CMBL: variants seen among roughly 807,000 people sequenced by gnomAD.
The protein encoded by CMBL is carboxymethylenebutenolidase homolog.
CMBL carries 17 observed loss-of-function variants against 28.7 expected under a neutral mutation model. The observed-to-expected ratio is 0.59, with a 90% CI of 0.41 to 0.89. The LOEUF (loss-of-function observed/expected upper bound fraction) is 0.89. CMBL is among the 40% of genes least tolerant of loss of function. The pLI, the probability that CMBL is intolerant of heterozygous loss-of-function variation, is 0.00. For missense variants in CMBL, 310 were observed against 298.5 expected, an observed-to-expected ratio of 1.04 and a Z score of -0.28; for synonymous variants, 106 against 101.6, an observed-to-expected ratio of 1.04 and a Z score of -0.26.
chr5:10,291,180 G>A (rs567304183), intron 1 of CMBL, among the ~76,000 whole-genome samples: 2 of 152,238 alleles, frequency 1.3e-5, no homozygotes, highest in African/African-American at 2.4e-5. Context: ...TTGTGTCGAC[G>A]TGTAGAAAGA....
At chr5:10,299,082 T>G (rs1406829567) in intron 1 of CMBL, among the ~76,000 whole-genome samples, 1 of 152,122 alleles carries the variant, frequency 6.6e-6, no homozygotes, top group Admixed American at 6.6e-5. Context: ...GATGAAAGAT[T>G]AATAAGATAA....
At chr5:10,288,015 G>A (rs193115164) in intron 3 of CMBL, among the ~76,000 whole-genome samples, 1 of 148,704 alleles carries the variant, frequency 6.7e-6, no homozygotes, top group Non-Finnish European at 1.5e-5. Context: ...ACGGGTGTGA[G>A]CCACCATGCC....
intron 2 of CMBL, among the ~76,000 whole-genome samples, 195 bp from the exon 3 acceptor site, chr5:10,288,724 C>T (rs566592099): frequency 3.3e-5 from 5 of 152,352 alleles, no homozygotes; most frequent in Admixed American, 2.0e-4. Context: ...GTTTCACAAC[C>T]GCAGGTGCAC....
chr5:10,286,630 C>CTACCAT (rs1746609728), intron 3 of CMBL, 134 bp from the exon 4 acceptor site: 1 of 714,462 alleles, frequency 1.4e-6, no homozygotes, highest in African/African-American at 1.8e-5. Flanking sequence ...GGGAGCTCCA[C>CTACCAT]CCTTACTACC....
intron 1 of CMBL, among the ~76,000 whole-genome samples, chr5:10,301,762 C>T (rs1162106754): frequency 6.6e-6 from 1 of 151,842 alleles, no homozygotes; most frequent in East Asian, 1.9e-4. Context: ...CCACTATGCC[C>T]GGCTAATTTT....
At chr5:10,300,404 A>C (rs914785942) in intron 1 of CMBL, among the ~76,000 whole-genome samples, 4 of 152,190 alleles carry the variant, frequency 2.6e-5, no homozygotes, top group African/African-American at 9.7e-5. Context: ...TAAGTCACCC[A>C]GTATCTGGTA....
intron 1 of CMBL, among the ~76,000 whole-genome samples, chr5:10,301,095 G>GA (rs1246686407): frequency 4.6e-5 from 7 of 151,602 alleles, no homozygotes; most frequent in Non-Finnish European, 1.0e-4. Context: ...AGAGAGGGGA[G>GA]AAAAAATGGA....
In CMBL at chr5:10,305,514, C is replaced by T. The variant is rs111618136; in HGVS notation, c.-20+2111G>A. ...TCACTCTGCCTAACACAAGCATGTC[C>T]CTCTGGAAAATTACACATCAAAACC... On this transcript the variant is annotated intron_variant, in intron 1 of 5. Coordinates refer to ENST00000296658, the MANE Select transcript of CMBL (RefSeq NM_138809.4). Among the ~76,000 whole-genome samples the T allele has an allele frequency of 5.1e-3, 778 of 151,284 alleles. 2 individuals carry two copies. The highest frequency in any genetic ancestry group is 7.4e-3 in the Admixed American group (112 of 15,214).
intron 1 of CMBL, among the ~76,000 whole-genome samples, chr5:10,298,365 A>G (rs1746843086): frequency 6.6e-6 from 1 of 152,362 alleles, no homozygotes; most frequent in Non-Finnish European, 1.5e-5. Context: ...CATAAAGAAA[A>G]GGATTATAAA....
intron 1 of CMBL, among the ~76,000 whole-genome samples, chr5:10,298,086 G>T (rs1746839560): frequency 6.6e-6 from 1 of 150,580 alleles, no homozygotes. Flanking sequence ...GAGAGAGGGG[G>T]TCAGATACAA....
intron 1 of CMBL, among the ~76,000 whole-genome samples, chr5:10,299,599 G>C (rs939948835): frequency 6.6e-6 from 1 of 151,874 alleles, no homozygotes; most frequent in African/African-American, 2.4e-5. Flanking sequence ...AGCACTTTGG[G>C]AGGCCAAGGC....
intron 1 of CMBL, among the ~76,000 whole-genome samples, chr5:10,298,846 T>C (rs1378761367): frequency 6.6e-6 from 1 of 152,118 alleles, no homozygotes; most frequent in Non-Finnish European, 1.5e-5. Flanking sequence ...TCAGACGAGA[T>C]CGCGCCACTG....
At chr5:10,294,607 A>T (rs1295871559) in intron 1 of CMBL, among the ~76,000 whole-genome samples, 1 of 152,164 alleles carries the variant, frequency 6.6e-6, no homozygotes, top group Non-Finnish European at 1.5e-5. Flanking sequence ...TTAAGAAGAA[A>T]TCATCAAGTA....
At chr5:10,302,455 C>A (rs1746916289) in intron 1 of CMBL, among the ~76,000 whole-genome samples, 1 of 149,116 alleles carries the variant, frequency 6.7e-6, no homozygotes, top group South Asian at 2.1e-4. Context: ...ACCAGCCTGG[C>A]CAACATGGCA....
intron 1 of CMBL, among the ~76,000 whole-genome samples, chr5:10,293,777 G>A (rs1413649970): frequency 4.6e-5 from 7 of 152,206 alleles, no homozygotes; most frequent in Admixed American, 1.3e-4. Flanking sequence ...AAACACTGTC[G>A]AAGGTTCTGG....
intron 4 of CMBL, 40 bp downstream of exon 4, chr5:10,286,314 T>C: frequency 6.3e-7 from 1 of 1,590,190 alleles, no homozygotes; most frequent in Non-Finnish European, 8.6e-7. Context: ...CTTCCACCCC[T>C]CCCTTCTGCA....
At position 10,290,973 on chromosome 5, in the gene CMBL, G is replaced by A. The variant is rs560846544; in HGVS notation, c.-19-192C>T. Among the ~76,000 whole-genome samples, 174 of 152,222 alleles carry A rather than the reference G, an allele frequency of 1.1e-3. 1 individual carries two copies. The highest frequency in any genetic ancestry group is 3.8e-3 in the African/African-American group (157 of 41,530). ...TAAGGCTATAGACACTAGAAATGCC[G>A]GATTGAATAACAACAAAACAACAAA... On this transcript the variant is annotated intron_variant, in intron 1 of 5. Coordinates refer to ENST00000296658, the MANE Select transcript of CMBL (RefSeq NM_138809.4).
At chr5:10,288,377 C>T (rs1353403647) in intron 3 of CMBL, 45 bp downstream of exon 3, 1 of 1,435,350 alleles carries the variant, frequency 7.0e-7, no homozygotes, top group African/African-American at 1.4e-5. Context: ...GCTCTCACCT[C>T]CCTGGGCCAC....
chr5:10,296,766 G>A (rs1249879628), intron 1 of CMBL, among the ~76,000 whole-genome samples: 1 of 152,198 alleles, frequency 6.6e-6, no homozygotes, highest in Non-Finnish European at 1.5e-5. Context: ...TGGGTGTTGA[G>A]GGGAGAACAA....
Sources: allele counts gnomAD v4.1 joint callset (sites outside exome capture counted in the v4.1 genomes callset), GRCh38; gene constraint gnomAD v4.1.1; transcripts MANE v1.5; gene names NCBI Gene and HGNC (gene_info 2026-07-23, HGNC 2026-07-21).